The following RBFOX1 variants were observed in gnomAD, a reference collection of about 807,000 sequenced individuals.
The protein encoded by RBFOX1 is RNA binding protein fox-1 homolog 1.
Under a neutral mutation model 57.7 loss-of-function variants are expected in RBFOX1, and 8 were observed. The ratio of observed to expected loss-of-function variants is 0.14; its 90% CI spans 0.08 to 0.25. The LOEUF is 0.25. RBFOX1 is among the 10% of genes least tolerant of loss of function. The pLI, the probability that RBFOX1 is intolerant of heterozygous loss-of-function variation, is 1.00. For synonymous variants in RBFOX1, 326 were observed against 222.4 expected, an observed-to-expected ratio of 1.47 and a Z score of -4.15; for missense variants, 611 against 548.5, an observed-to-expected ratio of 1.11 and a Z score of -1.14.
intron 4 of RBFOX1, among the ~76,000 whole-genome samples, chr16:7,325,403 A>G (rs926783810): frequency 2.0e-5 from 3 of 152,214 alleles, no homozygotes; most frequent in African/African-American, 4.8e-5. Flanking sequence ...CTTAACTACT[A>G]TACTATGGTG....
At chr16:5,407,871 A>G (rs2066908297) in intron 1 of RBFOX1, among the ~76,000 whole-genome samples, 2 of 152,330 alleles carry the variant, frequency 1.3e-5, no homozygotes, top group African/African-American at 4.8e-5. Flanking sequence ...CTTTAACCCA[A>G]GTCCCGTGGG....
At chr16:7,240,031 A>G (rs374769125) in intron 4 of RBFOX1, among the ~76,000 whole-genome samples, 58 of 152,270 alleles carry the variant, frequency 3.8e-4, no homozygotes, top group African/African-American at 1.3e-3. Context: ...CAATGCTGCA[A>G]TGTCTGCTCA....
At chr16:5,619,470 G>C (rs1007617072) in intron 3 of RBFOX1, among the ~76,000 whole-genome samples, 1 of 152,072 alleles carries the variant, frequency 6.6e-6, no homozygotes, top group Non-Finnish European at 1.5e-5. Flanking sequence ...CCCCAACCCC[G>C]AGACTTCACT....
At chr16:7,024,390 C>CT (rs926729092) in intron 3 of RBFOX1, among the ~76,000 whole-genome samples, 69 of 152,034 alleles carry the variant, frequency 4.5e-4, no homozygotes, top group African/African-American at 1.5e-3. Context: ...AGCTTGATGC[C>CT]TAAAGCAGTT....
At chr16:7,189,628 A>G (rs540213806) in intron 4 of RBFOX1, among the ~76,000 whole-genome samples, 2 of 151,652 alleles carry the variant, frequency 1.3e-5, no homozygotes, top group Non-Finnish European at 2.9e-5. Flanking sequence ...TCTATGCAGC[A>G]TAATTATCTG....
intron 2 of RBFOX1, among the ~76,000 whole-genome samples, chr16:5,523,431 A>G (rs1314308726): frequency 6.6e-6 from 1 of 151,824 alleles, no homozygotes; most frequent in East Asian, 1.9e-4. Flanking sequence ...CCTGAACAAG[A>G]TGGTGAAACC....
At chr16:6,653,434 T>C (rs2098615202) in intron 2 of RBFOX1, among the ~76,000 whole-genome samples, 2 of 152,162 alleles carry the variant, frequency 1.3e-5, no homozygotes, top group Admixed American at 6.5e-5. Flanking sequence ...AGAAATATCT[T>C]CCATTTGAAT....
chr16:5,797,464 C>G (rs2054916815), intron 3 of RBFOX1, among the ~76,000 whole-genome samples: 1 of 152,200 alleles, frequency 6.6e-6, no homozygotes, highest in South Asian at 2.1e-4. Flanking sequence ...GTTGTTTTGG[C>G]TGTATCTGGC....
chr16:5,271,958 C>T (rs2141352), intron 1 of RBFOX1, among the ~76,000 whole-genome samples: 27,982 of 151,590 alleles, frequency 0.18, 2,612 homozygotes, highest in African/African-American at 0.28. Flanking sequence ...AATAGTATTC[C>T]GTTGTGTGTA....
At chr16:7,248,982 A>G (rs967771989) in intron 4 of RBFOX1, among the ~76,000 whole-genome samples, 1 of 152,112 alleles carries the variant, frequency 6.6e-6, no homozygotes, top group Non-Finnish European at 1.5e-5. Context: ...GGAATCCCAG[A>G]TAGGTTTGAT....
At chr16:5,558,577 G>A (rs2045769546) in intron 2 of RBFOX1, among the ~76,000 whole-genome samples, 1 of 152,110 alleles carries the variant, frequency 6.6e-6, no homozygotes, top group Non-Finnish European at 1.5e-5. Context: ...TAGATAATCT[G>A]AATTGGTCCC....
At chr16:7,217,902 GTGCA>G (rs199771736) in intron 4 of RBFOX1, among the ~76,000 whole-genome samples, 7,085 of 131,898 alleles carry the variant, frequency 0.054, 229 homozygotes, top group East Asian at 0.23. Context: ...GCGTATGTGT[GTGCA>G]TGTGTGTGTG....
At chr16:6,616,751 C>T (rs2098147395) in intron 2 of RBFOX1, among the ~76,000 whole-genome samples, 4 of 152,196 alleles carry the variant, frequency 2.6e-5, no homozygotes, top group Admixed American at 2.6e-4. Context: ...TTTCTTAATT[C>T]ATTGCAAAAG....
chr16:7,135,967 T>C (rs563591398), intron 4 of RBFOX1, among the ~76,000 whole-genome samples: 46 of 152,348 alleles, frequency 3.0e-4, no homozygotes, highest in African/African-American at 1.1e-3. Flanking sequence ...TCCATAACAG[T>C]TGCATTCATT....
intron 4 of RBFOX1, among the ~76,000 whole-genome samples, chr16:5,957,339 C>A (rs911411124): frequency 6.6e-6 from 1 of 152,046 alleles, no homozygotes; most frequent in African/African-American, 2.4e-5. Flanking sequence ...CTCAGCCTCC[C>A]GAGTAGCTGG....
At chr16:6,986,715 T>C (rs17141940) in intron 3 of RBFOX1, among the ~76,000 whole-genome samples, 16,707 of 152,094 alleles carry the variant, frequency 0.11, 1,400 homozygotes, top group East Asian at 0.27. Context: ...TTTTGCAAAT[T>C]CTTGATGGGT....
intron 4 of RBFOX1, among the ~76,000 whole-genome samples, chr16:7,451,917 A>G (rs1361310200): frequency 6.6e-6 from 1 of 152,084 alleles, no homozygotes; most frequent in Non-Finnish European, 1.5e-5. Flanking sequence ...GCCAGCAACG[A>G]TTTGTACCAT....
chr16:7,061,082 T>A (rs2054117356), intron 4 of RBFOX1, among the ~76,000 whole-genome samples: 1 of 152,004 alleles, frequency 6.6e-6, no homozygotes, highest in South Asian at 2.1e-4. Context: ...GGCAGAAGTT[T>A]GCTTGCTTTA....
rs796299396 is a variant in RBFOX1 at position 6,637,358 on chromosome 16, AAT to A, written c.-63-17237_-63-17236del. Among the ~76,000 whole-genome samples, 49 of 29,320 alleles carry A rather than the reference AAT, an allele frequency of 1.7e-3. 3 individuals are homozygous for A. Among genetic ancestry groups the A allele is most frequent in the South Asian group, 0.015 (7 of 470 alleles). The allele number at this position is 29,320 out of a possible 152,430, so 19.2% of individuals were successfully genotyped here. A position where few individuals can be genotyped will look rare whatever the true frequency, so the allele number is the denominator to read the frequency against. On this transcript the variant is annotated intron_variant, in intron 2 of 15. Transcript: ENST00000550418. ...ATATACAAATATATATTATATATTAAATATATATAATATATAATATACAAATA... is the reference window on the plus strand; with the variant it reads ...ATATACAAATATATATTATATATTAAATATATAATATATAATATACAAATA...
Sources: allele counts gnomAD v4.1 joint callset (sites outside exome capture counted in the v4.1 genomes callset), GRCh38; gene constraint gnomAD v4.1.1; transcripts MANE v1.5; gene names NCBI Gene and HGNC (gene_info 2026-07-23, HGNC 2026-07-21).